Variants in TLL1 observed in about 807,000 individuals in gnomAD.
The protein encoded by TLL1 is tolloid-like protein 1.
Under a neutral mutation model 128.2 loss-of-function variants are expected in TLL1, and 49 were observed. The ratio of observed to expected loss-of-function variants is 0.38; its 90% CI spans 0.30 to 0.48. The LOEUF (loss-of-function observed/expected upper bound fraction) is 0.48, where lower values mean the gene tolerates loss of function less well. TLL1 is among the 20% of genes least tolerant of loss of function. TLL1 has a pLI of 0.96. For synonymous variants in TLL1, 454 were observed against 418.8 expected (o/e 1.08, Z -1.03); for missense variants, 1,123 against 1,242.0 (o/e 0.90, Z 1.44).
chr4:165,962,119 G>C (rs1735136247), intron 1 of TLL1, among the ~76,000 whole-genome samples: 1 of 152,220 alleles, frequency 6.6e-6, no homozygotes, highest in African/African-American at 2.4e-5. Flanking sequence ...AAGAGAAACT[G>C]TCAACAGAGT....
intron 8 of TLL1, among the ~76,000 whole-genome samples, chr4:166,017,109 T>G (rs1029811127): frequency 2.0e-5 from 3 of 152,076 alleles, no homozygotes; most frequent in Non-Finnish European, 4.4e-5. Context: ...CCTCTAGTAG[T>G]CCATACTGTC....
At chr4:166,070,261 A>T (rs1265852561) in intron 16 of TLL1, among the ~76,000 whole-genome samples, 1 of 152,054 alleles carries the variant, frequency 6.6e-6, no homozygotes, top group Non-Finnish European at 1.5e-5. Flanking sequence ...CAAAGCTAAG[A>T]GTATTCCACT....
chr4:166,043,592 T>C (rs749125247), intron 12 of TLL1, among the ~76,000 whole-genome samples, 173 bp downstream of exon 12: 7 of 152,214 alleles, frequency 4.6e-5, no homozygotes, highest in Non-Finnish European at 8.8e-5. Flanking sequence ...TTTTTTCTTC[T>C]TTCCTCGTTT....
intron 15 of TLL1, among the ~76,000 whole-genome samples, chr4:166,064,715 G>A (rs986909309): frequency 5.9e-5 from 9 of 151,938 alleles, no homozygotes; most frequent in Middle Eastern, 6.8e-3. Context: ...CTTTAGCCTC[G>A]GAAACAGTCT....
rs1734850477 is a variant in TLL1, at chr4:165,957,308, C to T, written c.170-32073C>T. ...CAATTCACAAGAAGACTTTACTATC[C>T]TAAATATATAGGCGTCCAATGTTAC... On this transcript the variant is annotated intron_variant, in intron 1 of 20. Transcript: ENST00000061240. 2.6e-5 allele frequency among the ~76,000 whole-genome samples: 4 copies of T among 152,024 alleles called. No individual in the cohort carries two copies. In the South Asian group the frequency reaches 8.3e-4, roughly 32 times the overall value.
intron 5 of TLL1, among the ~76,000 whole-genome samples, chr4:165,995,393 C>T (rs1736830132): frequency 6.6e-6 from 1 of 151,912 alleles, no homozygotes; most frequent in South Asian, 2.1e-4. Context: ...TTTCTACCAC[C>T]TCAGTTACTT....
At chr4:165,998,450 G>A (rs113116923) in intron 5 of TLL1, among the ~76,000 whole-genome samples, 1 of 151,952 alleles carries the variant, frequency 6.6e-6, no homozygotes, top group Non-Finnish European at 1.5e-5. Flanking sequence ...TAAATTTTAT[G>A]ATTAAATGGT....
At chr4:166,027,473 A>C (rs1738560421) in intron 9 of TLL1, among the ~76,000 whole-genome samples, 1 of 152,206 alleles carries the variant, frequency 6.6e-6, no homozygotes, top group South Asian at 2.1e-4. Context: ...GGAAACTCTA[A>C]ATGAAATACT....
intron 3 of TLL1, 108 bp downstream of exon 3, chr4:165,992,992 G>A (rs1579593946): frequency 6.4e-6 from 6 of 934,418 alleles, no homozygotes; most frequent in South Asian, 5.5e-5. Flanking sequence ...TGTGAAGTAT[G>A]TAAATGATAT....
At chr4:165,981,845 T>C (rs1579578869) in intron 1 of TLL1, among the ~76,000 whole-genome samples, 1 of 152,148 alleles carries the variant, frequency 6.6e-6, no homozygotes, top group Middle Eastern at 3.4e-3. Flanking sequence ...AAGTGTATCA[T>C]CTCTGTGTGC....
At chr4:165,966,272 A>G (rs1171027742) in intron 1 of TLL1, among the ~76,000 whole-genome samples, 1 of 152,064 alleles carries the variant, frequency 6.6e-6, no homozygotes, top group Admixed American at 6.5e-5. Flanking sequence ...CATGATCACT[A>G]GACGATTGGA....
chr4:166,092,994 A>T (rs1034554375), intron 19 of TLL1, among the ~76,000 whole-genome samples: 1 of 152,090 alleles, frequency 6.6e-6, no homozygotes, highest in African/African-American at 2.4e-5. Flanking sequence ...CGTGCACGCC[A>T]TTTGCGGTGT....
rs550394166 is a variant in TLL1 at position 166,046,462 on chromosome 4, G to A, written c.1524+3043G>A. Among the ~76,000 whole-genome samples the A allele has an allele frequency of 2.6e-5, 4 of 152,274 alleles. No homozygotes were observed. The South Asian group carries it at 8.3e-4, about 32-fold the overall frequency. ...ATGCCGCTAACCTAGTATCACACTG[G>A]TGAGTACTAAAAGAGCATTAAAACC... is the stretch of plus-strand genomic sequence containing the variant. On this transcript the variant is annotated intron_variant, in intron 12 of 20. Coordinates refer to ENST00000061240, the MANE Select transcript of TLL1 (RefSeq NM_012464.5).
At chr4:166,071,043 TTTACTGGATAG>T (rs1740789785) in intron 16 of TLL1, among the ~76,000 whole-genome samples, 2 of 151,932 alleles carry the variant, frequency 1.3e-5, no homozygotes, top group African/African-American at 2.4e-5. Flanking sequence ...TAGGCGATTA[TTTACTGGATAG>T]TTTTATGTTG....
At chr4:165,878,947 T>TC (rs1360789529) in intron 1 of TLL1, among the ~76,000 whole-genome samples, 2 of 103,848 alleles carry the variant, frequency 1.9e-5, no homozygotes, top group Non-Finnish European at 4.0e-5. Flanking sequence ...TTTTTTTTTT[T>TC]TTCTGAGACA....
chr4:166,026,334 G>A (rs1023043677), intron 9 of TLL1, among the ~76,000 whole-genome samples: 1 of 151,848 alleles, frequency 6.6e-6, no homozygotes, highest in African/African-American at 2.4e-5. Flanking sequence ...AGTGCAGTGA[G>A]CTGAAATCCC....
At chr4:166,094,797 T>A (rs1012017092) in intron 19 of TLL1, among the ~76,000 whole-genome samples, 1 of 152,160 alleles carries the variant, frequency 6.6e-6, no homozygotes, top group Admixed American at 6.6e-5. Context: ...CTCTTACTTA[T>A]GTCTGCTTTT....
At position 166,100,831 on chromosome 4, in the gene TLL1, A is replaced by G; in HGVS notation, c.2997A>G (p.Arg999=). The change falls in exon 21 of 21, where the codon AGA becomes AGG. Residue 999 remains arginine, a synonymous_variant. Transcript: ENST00000061240. Reference sequence around the variant, plus strand: ...TCAACAAGAAGGGATTTCATATAAGATACAAAAGCATAAGATATCCAGATA... The same window carrying G: ...TCAACAAGAAGGGATTTCATATAAGGTACAAAAGCATAAGATATCCAGATA... ...DTINKKGFHI[R]YKSIRYPDTT... is the part of the protein sequence containing the mutation. 1.9e-6 allele frequency: 3 copies of G among 1,612,980 alleles called. No individual in the cohort carries two copies. Among genetic ancestry groups the G allele is most frequent in the Non-Finnish European group, 2.5e-6 (3 of 1,179,338 alleles).
At chr4:166,007,800 A>G (rs1008179870) in intron 6 of TLL1, 143 bp from the exon 7 acceptor site, 8 of 670,980 alleles carry the variant, frequency 1.2e-5, no homozygotes, top group Non-Finnish European at 1.9e-5. Context: ...TGCTTTCTGC[A>G]TGTGCCTGTG....
Sources: gnomAD v4.1 joint callset for allele counts (sites outside exome capture counted in the v4.1 genomes callset) on GRCh38, gnomAD v4.1.1 for gene constraint, MANE v1.5 for transcripts, NCBI Gene and HGNC (gene_info 2026-07-23, HGNC 2026-07-21) for gene names.